Variants in DENND5A observed in about 807,000 individuals in gnomAD.
DENND5A encodes DENN domain containing 5A.
In DENND5A, 64 loss-of-function variants were observed where a neutral mutation model predicts 140.3. That is an observed-to-expected ratio of 0.46 (90% CI 0.37 to 0.56). The LOEUF (loss-of-function observed/expected upper bound fraction) is 0.56. Among genes scored for constraint, DENND5A ranks in the 20% least tolerant of loss-of-function variants. The pLI, the probability that DENND5A is intolerant of heterozygous loss-of-function variation, is 0.00. For missense variants in DENND5A, 1,292 were observed against 1,593.8 expected (o/e 0.81, Z 3.22); for synonymous variants, 605 against 607.7 (o/e 1.00, Z 0.07).
intron 5 of DENND5A, among the ~76,000 whole-genome samples, chr11:9,190,301 G>T (rs1333778938): frequency 6.6e-6 from 1 of 152,118 alleles, no homozygotes; most frequent in Non-Finnish European, 1.5e-5. Flanking sequence ...AGATTTGGAA[G>T]GGGCCAGGGC....
At chr11:9,250,959 A>AC (rs981446636) in intron 1 of DENND5A, among the ~76,000 whole-genome samples, 6 of 151,740 alleles carry the variant, frequency 4.0e-5, no homozygotes, top group East Asian at 1.9e-4. Context: ...ACATGGTGAA[A>AC]CCCCCTCTCT....
intron 5 of DENND5A, among the ~76,000 whole-genome samples, chr11:9,186,679 A>G (rs2136186085): frequency 6.6e-6 from 1 of 152,362 alleles, no homozygotes; most frequent in Non-Finnish European, 1.5e-5. Context: ...AAATATGCCC[A>G]TGCACATTTC....
intron 1 of DENND5A, among the ~76,000 whole-genome samples, chr11:9,264,249 T>C (rs1852341188): frequency 6.6e-6 from 1 of 152,164 alleles, no homozygotes; most frequent in African/African-American, 2.4e-5. Flanking sequence ...AAATATGACT[T>C]GAAACGCATC....
intron 1 of DENND5A, among the ~76,000 whole-genome samples, chr11:9,224,504 G>A (rs907895588): frequency 3.3e-5 from 5 of 152,078 alleles, no homozygotes; most frequent in Non-Finnish European, 5.9e-5. Flanking sequence ...TCTCTGCTTA[G>A]AATAACCTTT....
chr11:9,265,130 C>G lies in DENND5A; in HGVS notation c.-61G>C. 3.8e-6 allele frequency: 4 copies of G among 1,039,598 alleles called. No individual in the cohort carries two copies. The highest frequency in any genetic ancestry group is 4.0e-4 in the Middle Eastern group (1 of 2,486). The allele number at this position is 1,039,598 out of a possible 1,614,324, so 64.4% of individuals were successfully genotyped here. A position where few individuals can be genotyped will look rare whatever the true frequency, so the allele number is the denominator to read the frequency against. On this transcript the variant is annotated 5_prime_UTR_variant, in exon 1 of 23. Transcript: ENST00000328194. The surrounding 1 kb of genome is among the most constrained non-coding windows in gnomAD (Gnocchi z 4.7). ...CGGCACCGAGCCCCCGCAACCCGGGCGCCCGCCCGTCCGCCCTCAGGCCGC... is the reference window on the plus strand; with the variant it reads ...CGGCACCGAGCCCCCGCAACCCGGGGGCCCGCCCGTCCGCCCTCAGGCCGC...
rs1590358891 is a variant in DENND5A, at chr11:9,265,116, C to T, written c.-47G>A. ...CGGGCAGTGCGGAGCGGCACCGAGC[C>T]CCCGCAACCCGGGCGCCCGCCCGTC... On this transcript the variant is annotated 5_prime_UTR_variant, in exon 1 of 23. Transcript: ENST00000328194. The surrounding 1 kb of genome is among the most constrained non-coding windows in gnomAD (Gnocchi z 4.7). 3 of 1,139,888 alleles carry T rather than the reference C, an allele frequency of 2.6e-6. No individual in the cohort carries two copies. The highest frequency in any genetic ancestry group is 3.3e-6 in the Non-Finnish European group (3 of 916,302). The allele number at this position is 1,139,888 out of a possible 1,614,324, so 70.6% of individuals were successfully genotyped here.
chr11:9,206,402 A>C (rs1849692701), intron 3 of DENND5A, among the ~76,000 whole-genome samples: 1 of 152,206 alleles, frequency 6.6e-6, no homozygotes, highest in African/African-American at 2.4e-5. Flanking sequence ...ATAAATAATC[A>C]ACAGATCAGG....
rs1554912148 is a variant in DENND5A at position 9,152,406 on chromosome 11, G to C, written c.2473C>G (p.Gln825Glu). The change falls in exon 13 of 23, where the codon CAG (glutamine) becomes GAG (glutamate). Residue 825 changes from glutamine to glutamate, a missense_variant. This residue lies in a region of DENND5A where 498 missense variants were observed against 689.7 expected (regional missense o/e 0.72). Coordinates refer to ENST00000328194, the MANE Select transcript of DENND5A (RefSeq NM_015213.4). ...GTGAGTTTTCTCTGCCGGTTGTCCT[G>C]ATAATGTAACAGGTGGGACCATAAG... ...SALWSHLLHYQDNRQRKLTSG... is the reference protein window; with the variant it reads ...SALWSHLLHYEDNRQRKLTSG... The C allele has an allele frequency of 6.2e-7, 1 of 1,613,890 alleles. No individual in the cohort carries two copies. Among genetic ancestry groups the C allele is most frequent in the Non-Finnish European group, 8.5e-7 (1 of 1,179,792 alleles).
At chr11:9,223,983 G>A (rs1245523997) in intron 1 of DENND5A, among the ~76,000 whole-genome samples, 3 of 152,104 alleles carry the variant, frequency 2.0e-5, no homozygotes, top group Non-Finnish European at 4.4e-5. Context: ...CCTGAGGTCA[G>A]GAGTTCAAGA....
chr11:9,150,687 C>A lies in DENND5A; in HGVS notation c.2599G>T (p.Asp867Tyr). ...MPPLRISLIQ[D>Y]MRHIQNIGEI... ...ATGTGAGCCCATACTGACCTCATAT[C>A]CTGAATCAGGGAGATCCTCAGGGGA... Residue 867 changes from aspartate (D) to tyrosine (Y), a missense_variant, in exon 14 of 23, where the codon GAT becomes TAT. Asp to Tyr is a radical substitution (Grantham distance 160, BLOSUM62 -3). Coordinates refer to ENST00000328194, the MANE Select transcript of DENND5A (RefSeq NM_015213.4). 1 of 1,612,320 alleles carries A rather than the reference C, an allele frequency of 6.2e-7. No homozygotes were observed. Among genetic ancestry groups the A allele is most frequent in the East Asian group, 2.2e-5 (1 of 44,846 alleles).
intron 11 of DENND5A, among the ~76,000 whole-genome samples, chr11:9,164,492 T>C (rs1452811300): frequency 6.6e-6 from 1 of 152,078 alleles, no homozygotes; most frequent in East Asian, 1.9e-4. Flanking sequence ...GATAAATAAA[T>C]AGGATGTAGT....
intron 12 of DENND5A, among the ~76,000 whole-genome samples, chr11:9,156,345 T>C (rs1375248672): frequency 1.3e-5 from 2 of 152,102 alleles, no homozygotes; most frequent in Non-Finnish European, 2.9e-5. Context: ...AAAGCCCCCA[T>C]TATTTTGCAC....
At chr11:9,255,005 AG>A (rs1429242915) in intron 1 of DENND5A, among the ~76,000 whole-genome samples, 2 of 152,180 alleles carry the variant, frequency 1.3e-5, no homozygotes, top group Non-Finnish European at 2.9e-5. Context: ...CAGGAGGCAG[AG>A]GTTGCAGTGA....
chr11:9,143,391 AG>A lies in DENND5A; in HGVS notation c.3387+11del. ...AATGTAAGGCCCTGGATTGGAGGGC[AG>A]GAAGGCTCACCTCTTTCTCAGGCTT... On this transcript the variant is annotated intron_variant, in intron 20 of 22. Transcript: ENST00000328194. The A allele has an allele frequency of 6.2e-7, 1 of 1,611,592 alleles. No homozygotes were observed. Among genetic ancestry groups the A allele is most frequent in the Non-Finnish European group, 8.5e-7 (1 of 1,177,656 alleles).
intron 4 of DENND5A, among the ~76,000 whole-genome samples, chr11:9,197,193 T>C (rs1849358502): frequency 6.6e-6 from 1 of 150,984 alleles, no homozygotes; most frequent in Non-Finnish European, 1.5e-5. Flanking sequence ...TAATCCCAGC[T>C]ACTAGGGAGG....
Position 9,166,119 on chromosome 11 carries a change from G to T in DENND5A, c.2152-152C>A. Reference sequence around the variant, plus strand: ...TTTTTGAGACGAATCTTGCTCTGTCGCCAGGCTGGAGTGCAGTGGTGTGAT... The same window carrying T: ...TTTTTGAGACGAATCTTGCTCTGTCTCCAGGCTGGAGTGCAGTGGTGTGAT... On this transcript the variant is annotated intron_variant, in intron 10 of 22. Transcript: ENST00000328194. The T allele has an allele frequency of 4.7e-6, 3 of 643,080 alleles. No individual in the cohort carries two copies. The South Asian group carries it at 6.1e-5, about 13-fold the overall frequency. The allele number at this position is 643,080 out of a possible 1,614,324, so 39.8% of individuals were successfully genotyped here.
rs937743554 is a variant in DENND5A, at chr11:9,204,004, T to C, written c.605A>G (p.Tyr202Cys). 10 of 1,613,910 alleles carry C rather than the reference T, an allele frequency of 6.2e-6. No individual in the cohort carries two copies. In the African/African-American group the frequency reaches 8.0e-5, roughly 13 times the overall value. ...NSYDISRDTL[Y>C]VSKCICLITP... ...GATGAGGCAGATGCACTTAGAGACG[T>C]AGAGAGTGTCCCGGCTAATGTCATA... The change falls in exon 4 of 23, where the codon TAC becomes TGC. Residue 202 changes from tyrosine (Y) to cysteine (C), a missense_variant. Physicochemically the swap from Tyr to Cys is radical, Grantham distance 194. Transcript: ENST00000328194.
At chr11:9,258,186 A>C in intron 1 of DENND5A, among the ~76,000 whole-genome samples, 1 of 152,048 alleles carries the variant, frequency 6.6e-6, no homozygotes. Context: ...TTTGTTACAT[A>C]GGTATACACA....
rs768100554 is a variant in DENND5A at position 9,203,895 on chromosome 11, C to G, written c.714G>C (p.Leu238=). ...QAVTSPQPPP[L]PLESYIYNVL... ...CGTTGTATATGTAGCTCTCAAGGGG[C>G]AGTGGAGGGGGCTGAGGTGAAGTGA... is the stretch of plus-strand genomic sequence containing the variant. Residue 238 remains leucine (L), a synonymous_variant, in exon 4 of 23, where the codon CTG becomes CTC. Transcript: ENST00000328194. 1 of 1,613,998 alleles carries G rather than the reference C, an allele frequency of 6.2e-7. No individual in the cohort carries two copies. The highest frequency in any genetic ancestry group is 1.3e-5 in the African/African-American group (1 of 74,914).
Sources: gnomAD v4.1 joint callset for allele counts (sites outside exome capture counted in the v4.1 genomes callset) on GRCh38, gnomAD v4.1.1 for gene constraint, gnomAD v4.1.1 regional missense constraint, Gnocchi (gnomAD v3.1) non-coding constraint, MANE v1.5 for transcripts, NCBI Gene and HGNC (gene_info 2026-07-23, HGNC 2026-07-21) for gene names.